MRPS28: variants seen among roughly 807,000 people sequenced by gnomAD.
MRPS28 encodes the protein small ribosomal subunit protein bS1m.
In MRPS28, 7 loss-of-function variants were observed where a neutral mutation model predicts 10.8. The ratio of observed to expected loss-of-function variants is 0.65; its 90% CI spans 0.37 to 1.22. The LOEUF is 1.22. Ranked by LOEUF, MRPS28 falls within the 50% of genes most tolerant of loss-of-function variation. The probability of loss-of-function intolerance (pLI) is 0.02; values close to 1 mark genes in which losing one functional copy is unlikely to be tolerated. For synonymous variants in MRPS28, 121 were observed against 93.3 expected (o/e 1.30, Z -1.71); for missense variants, 265 against 232.9 (o/e 1.14, Z -0.90).
At chr8:79,966,793 T>C (rs1024249098) in intron 2 of MRPS28, among the ~76,000 whole-genome samples, 2 of 152,170 alleles carry the variant, frequency 1.3e-5, no homozygotes, top group African/African-American at 4.8e-5. Flanking sequence ...TAATCATGTA[T>C]GCTATGTATA....
intron 2 of MRPS28, among the ~76,000 whole-genome samples, chr8:79,997,347 G>C (rs1053644007): frequency 6.6e-6 from 1 of 151,978 alleles, no homozygotes; most frequent in African/African-American, 2.4e-5. Context: ...TTCTAATATG[G>C]GGCCAAGGCG....
chr8:80,003,297 AT>A, intron 1 of MRPS28, 117 bp from the exon 2 acceptor site: 1 of 812,006 alleles, frequency 1.2e-6, no homozygotes, highest in South Asian at 2.9e-5. Flanking sequence ...TATATGTGGA[AT>A]TTTGCTTTAA....
intron 2 of MRPS28, among the ~76,000 whole-genome samples, chr8:80,002,556 C>T (rs568136302): frequency 6.6e-6 from 1 of 151,992 alleles, no homozygotes; most frequent in Non-Finnish European, 1.5e-5. Context: ...ATATCTTTAC[C>T]TACATAAACC....
At chr8:79,930,106 C>A (rs1221029036) in intron 2 of MRPS28, among the ~76,000 whole-genome samples, 1 of 152,142 alleles carries the variant, frequency 6.6e-6, no homozygotes, top group African/African-American at 2.4e-5. Context: ...ATAAAGATAT[C>A]CATTATGCAT....
chr8:79,958,872 TA>T (rs759162089), intron 2 of MRPS28, among the ~76,000 whole-genome samples: 1 of 152,140 alleles, frequency 6.6e-6, no homozygotes, highest in Non-Finnish European at 1.5e-5. Context: ...GCAAATTATA[TA>T]ACTGAGTTTA....
chr8:79,966,263 A>G (rs1221425197), intron 2 of MRPS28, among the ~76,000 whole-genome samples: 1 of 152,048 alleles, frequency 6.6e-6, no homozygotes, highest in Non-Finnish European at 1.5e-5. Flanking sequence ...AGATATATAA[A>G]GGGTCAATAT....
At chr8:79,959,778 G>A (rs1023990796) in intron 2 of MRPS28, among the ~76,000 whole-genome samples, 1 of 152,026 alleles carries the variant, frequency 6.6e-6, no homozygotes, top group African/African-American at 2.4e-5. Flanking sequence ...AGGCTTTTAA[G>A]AGCTGTATAC....
intron 2 of MRPS28, among the ~76,000 whole-genome samples, chr8:79,999,998 A>G (rs761436189): frequency 1.3e-5 from 2 of 152,140 alleles, no homozygotes; most frequent in African/African-American, 4.8e-5. Context: ...TTACTTATGT[A>G]ATTACCAATA....
At chr8:79,972,450 T>A (rs1807659649) in intron 2 of MRPS28, among the ~76,000 whole-genome samples, 2 of 152,192 alleles carry the variant, frequency 1.3e-5, no homozygotes, top group South Asian at 4.1e-4. Flanking sequence ...GCTATGAACA[T>A]CTGTGTACAA....
chr8:79,958,502 C>T lies in MRPS28; in HGVS notation c.396-39354G>A, dbSNP rs577340481. 421 of 585,836 alleles carry T rather than the reference C, an allele frequency of 7.2e-4. 3 individuals carry two copies. The highest frequency in any genetic ancestry group is 1.1e-3 in the Non-Finnish European group (358 of 331,472). The allele number at this position is 585,836 out of a possible 1,614,324, so 36.3% of individuals were successfully genotyped here. On this transcript the variant is annotated intron_variant, in intron 2 of 2. Coordinates refer to ENST00000276585, the MANE Select transcript of MRPS28 (RefSeq NM_014018.3). ...GCTATTTTAAAAATAATTTTTATTG[C>T]TAATTTTATTTGGTACACTAACAAT...
At chr8:79,953,178 G>A (rs190076191) in intron 2 of MRPS28, among the ~76,000 whole-genome samples, 140 of 152,148 alleles carry the variant, frequency 9.2e-4, no homozygotes, top group African/African-American at 3.2e-3. Context: ...GGCTGCAGCC[G>A]TTTTCTCTCT....
At chr8:79,994,769 C>T (rs1449335356) in intron 2 of MRPS28, among the ~76,000 whole-genome samples, 1 of 152,094 alleles carries the variant, frequency 6.6e-6, no homozygotes, top group East Asian at 1.9e-4. Flanking sequence ...AAAATAAAAT[C>T]CCAATTTTTT....
chr8:79,932,457 G>A (rs2129900765), intron 2 of MRPS28, among the ~76,000 whole-genome samples: 2 of 152,258 alleles, frequency 1.3e-5, no homozygotes, highest in East Asian at 1.9e-4. Flanking sequence ...AAGTCGGTAC[G>A]TTCAAAACCA....
chr8:79,978,584 T>C (rs1228055893), intron 2 of MRPS28, among the ~76,000 whole-genome samples: 1 of 152,228 alleles, frequency 6.6e-6, no homozygotes, highest in Non-Finnish European at 1.5e-5. Context: ...AGCATTACTA[T>C]ATTTATCCTT....
intron 1 of MRPS28, among the ~76,000 whole-genome samples, chr8:80,008,577 G>GA (rs1376849009): frequency 2.0e-5 from 3 of 152,112 alleles, no homozygotes; most frequent in Admixed American, 6.6e-5. Flanking sequence ...AAATTTACAA[G>GA]AAAAAATCAA....
chr8:79,974,185 C>A (rs111815577), intron 2 of MRPS28, among the ~76,000 whole-genome samples: 3 of 151,954 alleles, frequency 2.0e-5, no homozygotes, highest in Non-Finnish European at 2.9e-5. Flanking sequence ...GACAGTACAC[C>A]GAAGAAAGAA....
chr8:79,935,772 G>C (rs1014051527), intron 2 of MRPS28, among the ~76,000 whole-genome samples: 1 of 152,208 alleles, frequency 6.6e-6, no homozygotes, highest in Admixed American at 6.5e-5. Flanking sequence ...TACAATGTAA[G>C]CCAGTATTTC....
rs139629231 is a variant in MRPS28 at position 80,016,829 on chromosome 8, G to GA, written c.213+13206dup. The stretch of plus-strand genomic sequence containing the variant: ...AGGCAAAAACTGACAAAACTGCAAG[G>GA]AAAAATAGATGAATCATTACAGTTG... On this transcript the variant is annotated intron_variant, in intron 1 of 2. Coordinates refer to ENST00000276585, the MANE Select transcript of MRPS28 (RefSeq NM_014018.3). 7.4e-3 allele frequency among the ~76,000 whole-genome samples: 1,126 copies of GA among 152,108 alleles called. 12 individuals are homozygous for GA. The highest frequency in any genetic ancestry group is 0.026 in the African/African-American group (1,060 of 41,512).
chr8:80,008,976 A>G (rs898418805), intron 1 of MRPS28, among the ~76,000 whole-genome samples: 13 of 152,172 alleles, frequency 8.5e-5, no homozygotes, highest in African/African-American at 1.7e-4. Context: ...ACATGCACAC[A>G]TATGTTTACT....
Sources: allele counts gnomAD v4.1 joint callset (sites outside exome capture counted in the v4.1 genomes callset), GRCh38; gene constraint gnomAD v4.1.1; transcripts MANE v1.5; gene names NCBI Gene and HGNC (gene_info 2026-07-23, HGNC 2026-07-21).